Variants in IMPG2 observed in about 807,000 individuals in gnomAD.
The protein encoded by IMPG2 is interphotoreceptor matrix proteoglycan 2.
Under a neutral mutation model 129.2 loss-of-function variants are expected in IMPG2, and 91 were observed. The ratio of observed to expected loss-of-function variants is 0.70; its 90% CI spans 0.59 to 0.84. The LOEUF (loss-of-function observed/expected upper bound fraction) is 0.84, where lower values mean the gene tolerates loss of function less well. Among genes scored for constraint, IMPG2 ranks in the 40% least tolerant of loss-of-function variants. IMPG2 has a pLI of 0.00. For synonymous variants in IMPG2, 510 were observed against 517.7 expected, an observed-to-expected ratio of 0.99 and a Z score of 0.20; for missense variants, 1,430 against 1,461.7, an observed-to-expected ratio of 0.98 and a Z score of 0.35.
intron 4 of IMPG2, among the ~76,000 whole-genome samples, chr3:101,281,799 G>A (rs1484889390): frequency 6.6e-6 from 1 of 152,180 alleles, no homozygotes; most frequent in Non-Finnish European, 1.5e-5. Context: ...GAATGTGAGA[G>A]AGACTCCACC....
intron 9 of IMPG2, among the ~76,000 whole-genome samples, chr3:101,258,609 T>C (rs1377842953): frequency 6.6e-6 from 1 of 152,146 alleles, no homozygotes; most frequent in Non-Finnish European, 1.5e-5. Flanking sequence ...TAATGAATTA[T>C]GTAAAACCTC....
chr3:101,297,250 A>T (rs1404382838), intron 3 of IMPG2, among the ~76,000 whole-genome samples: 5 of 152,004 alleles, frequency 3.3e-5, no homozygotes, highest in Non-Finnish European at 7.4e-5. Context: ...TGTCCCCTTT[A>T]TCATTATTTA....
chr3:101,229,250 T>C, intron 17 of IMPG2, 130 bp downstream of exon 17: 2 of 791,764 alleles, frequency 2.5e-6, no homozygotes, highest in Non-Finnish European at 4.3e-6. Context: ...TACTAAATAT[T>C]TTTTACACTT....
At position 101,246,112 on chromosome 3, in the gene IMPG2, G is replaced by A. The variant is rs769610935; in HGVS notation, c.1240-7C>T. 3 of 1,605,396 alleles carry A rather than the reference G, an allele frequency of 1.9e-6. No individual in the cohort carries two copies. Among genetic ancestry groups the A allele is most frequent in the Non-Finnish European group, 8.5e-7 (1 of 1,177,254 alleles). ...CAGCTTGAAAGGTATTATCCTGGGG[G>A]GAAAAAAAGGCTAAATCATATCATA... On this transcript the variant is annotated splice_polypyrimidine_tract_variant and splice_region_variant and intron_variant, in intron 11 of 18. Coordinates refer to ENST00000193391, the MANE Select transcript of IMPG2 (RefSeq NM_016247.4).
At chr3:101,317,366 T>G (rs1320536292) in intron 2 of IMPG2, among the ~76,000 whole-genome samples, 2 of 152,158 alleles carry the variant, frequency 1.3e-5, no homozygotes. Context: ...GTGTCTTGCT[T>G]AGAAACACTT....
chr3:101,244,649 A>C lies in IMPG2; in HGVS notation c.1682T>G (p.Leu561Arg). Residue 561 changes from leucine to arginine, a missense_variant, in exon 13 of 19, where the codon CTG (leucine) becomes CGG (arginine). Leu to Arg is a moderately radical substitution (Grantham distance 102, BLOSUM62 -2). Transcript: ENST00000193391. ...SDVSLTSSPY[L>R]TSSIPFGLDS... is the part of the protein sequence containing the mutation. Reference sequence around the variant, plus strand: ...CAAGCCAAAAGGTATAGAAGAGGTCAGATATGGTGAAGATGTTAAGGACAC... The same window carrying C: ...CAAGCCAAAAGGTATAGAAGAGGTCCGATATGGTGAAGATGTTAAGGACAC... 1.2e-6 allele frequency: 2 copies of C among 1,613,670 alleles called. No individual in the cohort carries two copies. Among genetic ancestry groups the C allele is most frequent in the Non-Finnish European group, 1.7e-6 (2 of 1,179,830 alleles).
In IMPG2 at chr3:101,319,626, C is replaced by A. The variant is rs2058801309; in HGVS notation, c.292G>T (p.Ala98Ser). 6.2e-7 allele frequency: 1 copy of A among 1,613,694 alleles called. No individual in the cohort carries two copies. The highest frequency in any genetic ancestry group is 8.5e-7 in the Non-Finnish European group (1 of 1,179,780). Residue 98 changes from alanine to serine, a missense_variant, in exon 2 of 19, where the codon GCA (alanine) becomes TCA (serine). Transcript: ENST00000193391. ...GVKICPDESV[A>S]EAVANHVKYF... ...TTCACATGATTTGCCACAGCCTCTG[C>A]AACACTTTCATCTGGGCAGATTTTC...
chr3:101,315,660 G>A lies in IMPG2; in HGVS notation c.334+3924C>T, dbSNP rs552750710. On this transcript the variant is annotated intron_variant, in intron 2 of 18. Transcript: ENST00000193391. ...AAATCTGAAACCCACAACACTTCTG[G>A]TCCCAAGCATTTTGGATAAGAAATA... 2.0e-5 allele frequency among the ~76,000 whole-genome samples: 3 copies of A among 152,106 alleles called. No homozygotes were observed. In the East Asian group the frequency reaches 5.8e-4, roughly 29 times the overall value.
At chr3:101,276,137 C>T (rs1706838470) in intron 5 of IMPG2, among the ~76,000 whole-genome samples, 1 of 152,070 alleles carries the variant, frequency 6.6e-6, no homozygotes, top group Non-Finnish European at 1.5e-5. Context: ...AAAACTGGAC[C>T]TTATCATGTT....
Position 101,244,374 on chromosome 3 carries a change from C to T in IMPG2, c.1957G>A (p.Asp653Asn), listed in dbSNP as rs1355991292. The change falls in exon 13 of 19, where the codon GAC becomes AAC. Residue 653 changes from aspartate (D) to asparagine (N), a missense_variant. Asp to Asn is a conservative substitution (Grantham distance 23). Transcript: ENST00000193391. ...EIEDKKLVLVDKMDSTDQISK... is the reference protein window; with the variant it reads ...EIEDKKLVLVNKMDSTDQISK... The stretch of plus-strand genomic sequence containing the variant: ...ATTTGGTCTGTGGAATCCATTTTGT[C>T]AACTAAAACTAGTTTCTTGTCTTCA... 3 of 1,613,994 alleles carry T rather than the reference C, an allele frequency of 1.9e-6. No homozygotes were observed. Among genetic ancestry groups the T allele is most frequent in the South Asian group, 1.1e-5 (1 of 91,070 alleles).
intron 14 of IMPG2, 127 bp from the exon 15 acceptor site, chr3:101,233,118 A>G (rs1221959122): frequency 1.3e-6 from 1 of 783,896 alleles, no homozygotes; most frequent in African/African-American, 1.7e-5. Context: ...ATTAAAGTAC[A>G]CCATCGCCAC....
chr3:101,256,609 G>A (rs1408446586), intron 10 of IMPG2, among the ~76,000 whole-genome samples: 2 of 151,996 alleles, frequency 1.3e-5, no homozygotes, highest in Non-Finnish European at 2.9e-5. Flanking sequence ...AGAGAACTAG[G>A]TAGTAGCTGC....
In IMPG2 at chr3:101,228,891, A is replaced by G. The variant is rs955786890; in HGVS notation, c.3634-15T>C. The G allele has an allele frequency of 1.9e-6, 3 of 1,586,694 alleles. No individual in the cohort carries two copies. In the South Asian group the frequency reaches 3.3e-5, roughly 18 times the overall value. ...TCTTGAATTTCCTTAAACAAAAAAG[A>G]AACAATAGGCCACACATTGCATTAG... On this transcript the variant is annotated splice_polypyrimidine_tract_variant and intron_variant, in intron 17 of 18. Transcript: ENST00000193391.
chr3:101,245,712 G>T, intron 12 of IMPG2, 90 bp downstream of exon 12: 2 of 1,208,284 alleles, frequency 1.7e-6, no homozygotes, highest in Non-Finnish European at 2.5e-6. Flanking sequence ...ATGCTACCAT[G>T]TTTTTTTCAT....
chr3:101,244,625 A>G lies in IMPG2; in HGVS notation c.1706T>C (p.Leu569Ser), dbSNP rs767836827. ...TTTGACTTTGGAGGTCAAGGAGTCC[A>G]AGCCAAAAGGTATAGAAGAGGTCAG... ...PYLTSSIPFG[L>S]DSLTSKVKDQ... is the part of the protein sequence containing the mutation. The change falls in exon 13 of 19, where the codon TTG (leucine) becomes TCG (serine). Residue 569 changes from leucine (L) to serine (S), a missense_variant. By Grantham distance (145) the Leu-to-Ser change is moderately radical. Transcript: ENST00000193391. 36 of 1,604,200 alleles carry G rather than the reference A, an allele frequency of 2.2e-5. No individual in the cohort carries two copies. Among genetic ancestry groups the G allele is most frequent in the Non-Finnish European group, 3.1e-5 (36 of 1,175,298 alleles).
chr3:101,239,822 GA>G, intron 14 of IMPG2, among the ~76,000 whole-genome samples: 1 of 152,142 alleles, frequency 6.6e-6, no homozygotes. Context: ...CACAGTAATA[GA>G]AAACCAAACA....
At chr3:101,305,002 T>A (rs1269985394) in intron 2 of IMPG2, among the ~76,000 whole-genome samples, 1 of 152,110 alleles carries the variant, frequency 6.6e-6, no homozygotes, top group Non-Finnish European at 1.5e-5. Context: ...AATAATAATC[T>A]TTTTTATACA....
At chr3:101,237,029 A>G (rs1383331761) in intron 14 of IMPG2, among the ~76,000 whole-genome samples, 1 of 152,200 alleles carries the variant, frequency 6.6e-6, no homozygotes, top group African/African-American at 2.4e-5. Flanking sequence ...AGCTTGGTGC[A>G]GAGAGGGGCG....
chr3:101,267,150 A>G (rs1706728745), intron 9 of IMPG2, among the ~76,000 whole-genome samples: 1 of 152,238 alleles, frequency 6.6e-6, no homozygotes, highest in South Asian at 2.1e-4. Context: ...ATTTTTTAAT[A>G]GTTGAAAAAA....
Sources: allele counts gnomAD v4.1 joint callset (sites outside exome capture counted in the v4.1 genomes callset), GRCh38; gene constraint gnomAD v4.1.1; transcripts MANE v1.5; gene names NCBI Gene and HGNC (gene_info 2026-07-23, HGNC 2026-07-21).